MORN4: variants seen among roughly 807,000 people sequenced by gnomAD.
The protein encoded by MORN4 is MORN repeat containing 4.
A neutral mutation model predicts 16.4 loss-of-function variants in MORN4; 8 were observed. That is an observed-to-expected ratio of 0.49 (90% CI 0.29 to 0.88). The LOEUF (loss-of-function observed/expected upper bound fraction) is 0.88, where lower values mean the gene tolerates loss of function less well. Among genes scored for constraint, MORN4 ranks in the 40% least tolerant of loss-of-function variants. The pLI is 0.09. For synonymous variants in MORN4, 53 were observed against 68.9 expected, an observed-to-expected ratio of 0.77 and a Z score of 1.14; for missense variants, 159 against 182.9, an observed-to-expected ratio of 0.87 and a Z score of 0.75.
Position 97,632,822 on chromosome 10 carries a change from T to C in MORN4, c.-31+525A>G, listed in dbSNP as rs536876959. ...AGGGAATGCCAGGGCTGGACTCCGA[T>C]ATAGCAGTTATTCCTGCTGGTACCT... On this transcript the variant is annotated intron_variant, in intron 1 of 4. Coordinates refer to ENST00000307450, the MANE Select transcript of MORN4 (RefSeq NM_178832.4). Among the ~76,000 whole-genome samples the C allele has an allele frequency of 7.2e-5, 11 of 152,044 alleles. No homozygotes were observed. The East Asian group carries it at 2.1e-3, about 29-fold the overall frequency.
chr10:97,631,479 T>C (rs1469996690), intron 1 of MORN4, among the ~76,000 whole-genome samples: 2 of 152,178 alleles, frequency 1.3e-5, no homozygotes, highest in Non-Finnish European at 2.9e-5. Context: ...TATTATTATT[T>C]TCTTATTTCC....
chr10:97,619,742 A>G (rs1044054360), intron 1 of MORN4, 59 bp from the exon 2 acceptor site: 1 of 1,389,912 alleles, frequency 7.2e-7, no homozygotes, highest in African/African-American at 1.4e-5. Flanking sequence ...AAAGGACTGC[A>G]AGGCAATTTT....
chr10:97,618,690 A>T (rs1438873748), intron 2 of MORN4, among the ~76,000 whole-genome samples: 4 of 152,080 alleles, frequency 2.6e-5, no homozygotes, highest in Non-Finnish European at 4.4e-5. Flanking sequence ...TCAGAGAGTA[A>T]GCACAGCCCT....
chr10:97,619,047 G>C (rs534806850), intron 2 of MORN4, among the ~76,000 whole-genome samples: 2 of 152,176 alleles, frequency 1.3e-5, no homozygotes, highest in African/African-American at 4.8e-5. Context: ...GGCATGGGCC[G>C]GGCATGGTGG....
chr10:97,634,143 A>C (rs1000783845), upstream of MORN4, among the ~76,000 whole-genome samples: 2 of 152,036 alleles, frequency 1.3e-5, no homozygotes, highest in Non-Finnish European at 2.9e-5. Context: ...TCTACAGAAG[A>C]AAAAAATTAC....
Position 97,616,205 on chromosome 10 carries a change from A to C in MORN4, c.*58T>G, listed in dbSNP as rs1308952684. 9.5e-6 allele frequency: 14 copies of C among 1,479,462 alleles called. No homozygotes were observed. The highest frequency in any genetic ancestry group is 1.1e-5 in the Non-Finnish European group (12 of 1,112,040). 91.6% of individuals were successfully genotyped at this position (1,479,462 alleles called of 1,614,324 possible). ...GCTCTGATTCATTTGTTCACCTCGAATCAACAACAGGGGCACTGGCTTTAC... is the reference window on the plus strand; with the variant it reads ...GCTCTGATTCATTTGTTCACCTCGACTCAACAACAGGGGCACTGGCTTTAC... On this transcript the variant is annotated 3_prime_UTR_variant, in exon 5 of 5. Coordinates refer to ENST00000307450, the MANE Select transcript of MORN4 (RefSeq NM_178832.4).
chr10:97,623,019 G>A (rs1380921030), intron 1 of MORN4, among the ~76,000 whole-genome samples: 7 of 151,842 alleles, frequency 4.6e-5, no homozygotes, highest in Admixed American at 4.6e-4. Flanking sequence ...TGAGTAGCTG[G>A]GACTACAGGC....
Position 97,633,073 on chromosome 10 carries a change from G to A in MORN4, c.-31+274C>T, listed in dbSNP as rs1255830424. On this transcript the variant is annotated intron_variant, in intron 1 of 4. Transcript: ENST00000307450. The surrounding 1 kb of genome is among the most constrained non-coding windows in gnomAD (Gnocchi z 4.5). ...CCGGGCCCGCTCTCCCGCCCGGCAG[G>A]GTCTAACGCTCACACAGGTCTGCCA... Among the ~76,000 whole-genome samples, 1 of 152,062 alleles carries A rather than the reference G, an allele frequency of 6.6e-6. No individual in the cohort carries two copies. Among genetic ancestry groups the A allele is most frequent in the Non-Finnish European group, 1.5e-5 (1 of 68,010 alleles).
upstream of MORN4, chr10:97,633,664 T>C (rs1178139077): frequency 4.0e-6 from 5 of 1,259,670 alleles, no homozygotes; most frequent in African/African-American, 7.6e-5. This position sits in a 1 kb window ranked among gnomAD's most constrained non-coding sequence, Gnocchi z 4.5. Context: ...GCAACGCAGA[T>C]AAAGACAGAG....
At chr10:97,627,400 TC>T (rs1343330002) in intron 1 of MORN4, among the ~76,000 whole-genome samples, 2 of 152,174 alleles carry the variant, frequency 1.3e-5, no homozygotes, top group Admixed American at 6.5e-5. Flanking sequence ...CACCTCGGCC[TC>T]CCAAAGTGCT....
intron 1 of MORN4, among the ~76,000 whole-genome samples, chr10:97,620,359 G>A (rs1469237647): frequency 6.6e-6 from 1 of 151,676 alleles, no homozygotes; most frequent in Non-Finnish European, 1.5e-5. Flanking sequence ...GTGGTGGCAG[G>A]AGCCTGTAAT....
intron 1 of MORN4, among the ~76,000 whole-genome samples, chr10:97,630,211 G>A (rs2041384885): frequency 6.6e-6 from 1 of 152,130 alleles, no homozygotes; most frequent in South Asian, 2.1e-4. Context: ...ACAGGCATGA[G>A]CCACTGTGCC....
upstream of MORN4, among the ~76,000 whole-genome samples, chr10:97,633,775 C>A (rs553464169): frequency 6.6e-6 from 1 of 152,234 alleles, no homozygotes. This position sits in a 1 kb window ranked among gnomAD's most constrained non-coding sequence, Gnocchi z 4.5. Flanking sequence ...ACGCGAGCGG[C>A]TCTGATCTTG....
At chr10:97,620,924 C>T (rs903712699) in intron 1 of MORN4, among the ~76,000 whole-genome samples, 4 of 152,072 alleles carry the variant, frequency 2.6e-5, no homozygotes, top group Non-Finnish European at 5.9e-5. Context: ...AGTTCGAGAC[C>T]AGCTTGGCCA....
In MORN4 at chr10:97,616,203, G is replaced by C; in HGVS notation, c.*60C>G. On this transcript the variant is annotated 3_prime_UTR_variant, in exon 5 of 5. Transcript: ENST00000307450. ...CAGCTCTGATTCATTTGTTCACCTC[G>C]AATCAACAACAGGGGCACTGGCTTT... The C allele has an allele frequency of 2.0e-6, 3 of 1,470,236 alleles. No individual in the cohort carries two copies. Among genetic ancestry groups the C allele is most frequent in the Admixed American group, 2.4e-5 (1 of 42,412 alleles). The allele number at this position is 1,470,236 out of a possible 1,614,324, so 91.1% of individuals were successfully genotyped here.
At chr10:97,620,892 G>A (rs749412062) in intron 1 of MORN4, among the ~76,000 whole-genome samples, 1 of 152,144 alleles carries the variant, frequency 6.6e-6, no homozygotes, top group Non-Finnish European at 1.5e-5. Flanking sequence ...TGAGGCCGAG[G>A]TGGGCGGATC....
chr10:97,631,826 T>TGC (rs1210142591), intron 1 of MORN4, among the ~76,000 whole-genome samples: 3 of 152,118 alleles, frequency 2.0e-5, no homozygotes, highest in Non-Finnish European at 4.4e-5. Context: ...TCCCAGCTAC[T>TGC]CAGGAGGCTG....
chr10:97,624,873 G>A (rs2041333908), intron 1 of MORN4, among the ~76,000 whole-genome samples: 1 of 152,152 alleles, frequency 6.6e-6, no homozygotes, highest in Non-Finnish European at 1.5e-5. Context: ...TGTATTTTCA[G>A]TAGAGATGGG....
In MORN4 at chr10:97,617,232, A is replaced by T. The variant is rs1329986900; in HGVS notation, c.158T>A (p.Val53Glu). The T allele has an allele frequency of 6.2e-7, 1 of 1,614,050 alleles. No homozygotes were observed. Among genetic ancestry groups the T allele is most frequent in the Non-Finnish European group, 8.5e-7 (1 of 1,179,950 alleles). ...FENGLFNGFGVLTFSDGSRYE... is the reference protein window; with the variant it reads ...FENGLFNGFGELTFSDGSRYE... ...CCTTGAACCATCTGAGAAGGTCAAT[A>T]CCCCAAAGCCATTAAAGAGCCCATT... The change falls in exon 3 of 5, where the codon GTA (valine) becomes GAA (glutamate). Residue 53 changes from valine (V) to glutamate (E), a missense_variant. Coordinates refer to ENST00000307450, the MANE Select transcript of MORN4 (RefSeq NM_178832.4).
Sources: allele counts gnomAD v4.1 joint callset (sites outside exome capture counted in the v4.1 genomes callset), GRCh38; gene constraint gnomAD v4.1.1; non-coding constraint Gnocchi (gnomAD v3.1); transcripts MANE v1.5; gene names NCBI Gene and HGNC (gene_info 2026-07-23, HGNC 2026-07-21).